The following FMNL2 variants were observed in gnomAD, a reference collection of about 807,000 sequenced individuals.
FMNL2 encodes the protein formin-like protein 2.
A neutral mutation model predicts 130.2 loss-of-function variants in FMNL2; 51 were observed. The observed-to-expected ratio is 0.39, with a 90% CI of 0.31 to 0.49. The LOEUF is 0.49. FMNL2 is among the 20% of genes least tolerant of loss of function. The pLI, the probability that FMNL2 is intolerant of heterozygous loss-of-function variation, is 0.85. For missense variants in FMNL2, 977 were observed against 1,316.2 expected (o/e 0.74, Z 3.99); for synonymous variants, 465 against 467.1 (o/e 1.00, Z 0.06).
At chr2:152,524,037 T>G (rs999755847) in intron 2 of FMNL2, among the ~76,000 whole-genome samples, 6 of 152,220 alleles carry the variant, frequency 3.9e-5, no homozygotes, top group African/African-American at 1.4e-4. Flanking sequence ...CCTTCTCACC[T>G]TCCTCTACCT....
chr2:152,401,915 T>TTC (rs1685715797), intron 1 of FMNL2, among the ~76,000 whole-genome samples: 1 of 144,142 alleles, frequency 6.9e-6, no homozygotes, highest in Non-Finnish European at 1.5e-5. Context: ...TTTTTTTTTT[T>TTC]TTTTTTTTGA....
rs540500923 is a variant in FMNL2 at position 152,603,499 on chromosome 2, G to T, written c.877-3840G>T. ...GTTGACAGAATGAGGGCTCTCTAAA[G>T]AAACACATATATTCAAGGCTCTTCT... On this transcript the variant is annotated intron_variant, in intron 9 of 25. Coordinates refer to ENST00000288670, the MANE Select transcript of FMNL2 (RefSeq NM_052905.4). Among the ~76,000 whole-genome samples, 10 of 142,146 alleles carry T rather than the reference G, an allele frequency of 7.0e-5. 2 individuals are homozygous for T. In the South Asian group the frequency reaches 2.5e-3, roughly 36 times the overall value. The allele number at this position is 142,146 out of a possible 152,430, so 93.3% of individuals were successfully genotyped here.
At chr2:152,435,145 A>C (rs901114009) in intron 1 of FMNL2, among the ~76,000 whole-genome samples, 4 of 152,132 alleles carry the variant, frequency 2.6e-5, no homozygotes, top group Non-Finnish European at 4.4e-5. Flanking sequence ...ATACCTGTAC[A>C]TACATGTACA....
intron 9 of FMNL2, among the ~76,000 whole-genome samples, chr2:152,597,186 T>TTGAA (rs57590390): frequency 0.019 from 2,959 of 152,332 alleles, 108 homozygotes; most frequent in African/African-American, 0.065. Flanking sequence ...TTTCATGTGT[T>TTGAA]TGCTTAATTT....
chr2:152,604,563 C>T (rs1333738769), intron 9 of FMNL2, among the ~76,000 whole-genome samples: 1 of 141,184 alleles, frequency 7.1e-6, no homozygotes, highest in Non-Finnish European at 1.6e-5. Context: ...TCTTCTGTTA[C>T]TGCCACTACC....
intron 21 of FMNL2, among the ~76,000 whole-genome samples, chr2:152,634,187 C>T (rs1682385966): frequency 6.6e-6 from 1 of 152,164 alleles, no homozygotes; most frequent in African/African-American, 2.4e-5. Flanking sequence ...AATCCTAGCA[C>T]TTTGGGAGGC....
intron 1 of FMNL2, among the ~76,000 whole-genome samples, chr2:152,479,160 G>A (rs1307863549): frequency 6.6e-6 from 1 of 152,014 alleles, no homozygotes; most frequent in Non-Finnish European, 1.5e-5. Context: ...GTCTCACTCT[G>A]TTGCCCAGGC....
At chr2:152,560,823 TC>T (rs1695479211) in intron 5 of FMNL2, 59 bp from the exon 6 acceptor site, 1 of 1,495,332 alleles carries the variant, frequency 6.7e-7, no homozygotes, top group African/African-American at 1.4e-5. Flanking sequence ...TTATACATGT[TC>T]GTTTATACAT....
intron 1 of FMNL2, among the ~76,000 whole-genome samples, chr2:152,342,877 A>G (rs1265076572): frequency 1.3e-5 from 2 of 152,338 alleles, no homozygotes; most frequent in Admixed American, 6.5e-5. Flanking sequence ...ACCAGGTATG[A>G]TGGTATTTGA....
At chr2:152,514,766 C>G (rs1392011648) in intron 1 of FMNL2, among the ~76,000 whole-genome samples, 2 of 152,298 alleles carry the variant, frequency 1.3e-5, no homozygotes, top group East Asian at 3.9e-4. Flanking sequence ...TTCTCTCTCT[C>G]TCTCACAAAA....
At chr2:152,506,007 T>C (rs1489707572) in intron 1 of FMNL2, among the ~76,000 whole-genome samples, 1 of 152,184 alleles carries the variant, frequency 6.6e-6, no homozygotes, top group Non-Finnish European at 1.5e-5. Context: ...TGAAACCGTG[T>C]TTAGTCTGAA....
chr2:152,457,064 G>T (rs1392460256), intron 1 of FMNL2, among the ~76,000 whole-genome samples: 1 of 152,048 alleles, frequency 6.6e-6, no homozygotes, highest in African/African-American at 2.4e-5. Context: ...TTTAGTGCCC[G>T]AAGAATGGAG....
At chr2:152,359,972 C>T (rs887755014) in intron 1 of FMNL2, among the ~76,000 whole-genome samples, 35 of 152,050 alleles carry the variant, frequency 2.3e-4, no homozygotes, top group South Asian at 2.1e-4. Context: ...CCTCTTTTGT[C>T]GAAGATAGTG....
At position 152,548,309 on chromosome 2, in the gene FMNL2, C is replaced by T. The variant is rs554540881; in HGVS notation, c.283-712C>T. ...GCCTGCCTGCAAGGTTGGCCCTTGG[C>T]TGGCATCTAGGAACTTGTGTTTGAC... On this transcript the variant is annotated intron_variant, in intron 3 of 25. Transcript: ENST00000288670. Among the ~76,000 whole-genome samples the T allele has an allele frequency of 2.6e-5, 4 of 152,332 alleles. No individual in the cohort carries two copies. The East Asian group carries it at 7.7e-4, about 29-fold the overall frequency.
At chr2:152,405,797 T>C (rs1236644540) in intron 1 of FMNL2, among the ~76,000 whole-genome samples, 1 of 152,228 alleles carries the variant, frequency 6.6e-6, no homozygotes, top group Admixed American at 6.5e-5. Flanking sequence ...ATTTTTATGG[T>C]TTGCAGTAGG....
intron 9 of FMNL2, among the ~76,000 whole-genome samples, chr2:152,597,338 C>T (rs916987629): frequency 3.9e-5 from 6 of 152,210 alleles, no homozygotes; most frequent in African/African-American, 7.2e-5. Flanking sequence ...GTGGCTAGTT[C>T]ATCTTGCAAC....
At chr2:152,608,773 T>TA (rs1195561216) in intron 10 of FMNL2, among the ~76,000 whole-genome samples, 2 of 152,132 alleles carry the variant, frequency 1.3e-5, no homozygotes, top group African/African-American at 4.8e-5. Context: ...TTCATTCTGT[T>TA]AGAGTTGAGG....
chr2:152,437,044 G>A (rs1462282119), intron 1 of FMNL2, among the ~76,000 whole-genome samples: 1 of 152,180 alleles, frequency 6.6e-6, no homozygotes, highest in African/African-American at 2.4e-5. Flanking sequence ...ATGGTTTGCA[G>A]ATAGCTGCCT....
intron 4 of FMNL2, among the ~76,000 whole-genome samples, chr2:152,556,065 T>G (rs1695186453): frequency 6.6e-6 from 1 of 152,202 alleles, no homozygotes; most frequent in African/African-American, 2.4e-5. Flanking sequence ...GAAGTTCACT[T>G]TCAACTCCAA....
Sources: allele counts gnomAD v4.1 joint callset (sites outside exome capture counted in the v4.1 genomes callset), GRCh38; gene constraint gnomAD v4.1.1; transcripts MANE v1.5; gene names NCBI Gene and HGNC (gene_info 2026-07-23, HGNC 2026-07-21).